Variants in RGS12 observed in about 807,000 individuals in gnomAD.
The protein encoded by RGS12 is regulator of G-protein signaling 12.
In RGS12, 66 loss-of-function variants were observed where a neutral mutation model predicts 120.1. That is an observed-to-expected ratio of 0.55 (90% CI 0.45 to 0.67). The LOEUF is 0.67. Among genes scored for constraint, RGS12 ranks in the 30% least tolerant of loss-of-function variants. The probability of loss-of-function intolerance (pLI) is 0.00; values close to 1 mark genes in which losing one functional copy is unlikely to be tolerated. For missense variants in RGS12, 1,859 were observed against 1,957.7 expected (o/e 0.95, Z 0.95); for synonymous variants, 827 against 804.7 (o/e 1.03, Z -0.47).
chr4:3,422,476 C>A lies in RGS12; in HGVS notation c.2939C>A (p.Ala980Glu). 1 of 1,613,092 alleles carries A rather than the reference C, an allele frequency of 6.2e-7. No homozygotes were observed. The change falls in exon 11 of 18, where the codon GCG becomes GAG. Residue 980 changes from alanine to glutamate, a missense_variant. Coordinates refer to ENST00000336727, the MANE Select transcript of RGS12 (RefSeq NM_001394154.1). ...ACATCCTGCGTGGTGGCTGTCAAGG[C>A]GGGCTTCTCCATCAAAGACATCCTG... ...DGTSCVVAVK[A>E]GFSIKDILSG...
chr4:3,286,826 G>A, the RGS12 span, among the ~76,000 whole-genome samples: 1 of 152,216 alleles, frequency 6.6e-6, no homozygotes, highest in East Asian at 1.9e-4. Context: ...GAGAGCCCCC[G>A]TCAGGCCCTT....
At chr4:3,409,972 C>T (rs1426557557) in intron 4 of RGS12, among the ~76,000 whole-genome samples, 1 of 152,248 alleles carries the variant, frequency 6.6e-6, no homozygotes, top group Admixed American at 6.5e-5. Context: ...CGTGCTGGCT[C>T]CCTGCTCTGC....
intron 2 of RGS12, chr4:3,342,726 C>T (rs868200393): frequency 2.9e-5 from 21 of 711,896 alleles, no homozygotes; most frequent in African/African-American, 9.0e-5. Context: ...AAATACTTGA[C>T]GATCCTGGGA....
intron 1 of RGS12, among the ~76,000 whole-genome samples, chr4:3,300,658 C>A (rs1263287327): frequency 6.6e-6 from 1 of 152,222 alleles, no homozygotes; most frequent in Non-Finnish European, 1.5e-5. Flanking sequence ...CTTCCTGCCT[C>A]TCCCAGCTTC....
intron 3 of RGS12, among the ~76,000 whole-genome samples, chr4:3,361,951 G>A (rs1249943541): frequency 2.0e-5 from 3 of 152,210 alleles, no homozygotes; most frequent in Non-Finnish European, 4.4e-5. Context: ...GGCTTGCAGG[G>A]AACAATGCCC....
chr4:3,354,775 G>A (rs572782995), intron 3 of RGS12, among the ~76,000 whole-genome samples: 57 of 152,302 alleles, frequency 3.7e-4, no homozygotes, highest in Middle Eastern at 3.4e-3. Context: ...ACAGCTTTCA[G>A]TGTATACATT....
chr4:3,332,649 C>T (rs1305809912), intron 2 of RGS12, among the ~76,000 whole-genome samples: 1 of 152,178 alleles, frequency 6.6e-6, no homozygotes, highest in Admixed American at 6.5e-5. Flanking sequence ...ACCTTTTGGT[C>T]CCTCTCTCCT....
chr4:3,295,375 C>G (rs962667777), intron 1 of RGS12, among the ~76,000 whole-genome samples: 3 of 152,114 alleles, frequency 2.0e-5, no homozygotes, highest in African/African-American at 7.2e-5. Flanking sequence ...AATAATCAGG[C>G]TGGGCTGGGT....
chr4:3,327,556 A>G (rs1725639268), intron 2 of RGS12, among the ~76,000 whole-genome samples: 1 of 152,244 alleles, frequency 6.6e-6, no homozygotes, highest in Non-Finnish European at 1.5e-5. Flanking sequence ...TCCAGAATAT[A>G]TGAGCACTCA....
In RGS12 at chr4:3,365,524, C is replaced by T. The variant is rs1158012678; in HGVS notation, c.1999-20892C>T. Among the ~76,000 whole-genome samples the T allele has an allele frequency of 6.6e-6, 1 of 152,104 alleles. No individual in the cohort carries two copies. The highest frequency in any genetic ancestry group is 1.5e-5 in the Non-Finnish European group (1 of 68,026). ...CAGAGCTGTAAATCCCAGCAAAAAC[C>T]GACGGAGCCCTGAGTCCGACCTAAG... On this transcript the variant is annotated intron_variant, in intron 3 of 17. Coordinates refer to ENST00000336727, the MANE Select transcript of RGS12 (RefSeq NM_001394154.1). The surrounding 1 kb of genome is among the most constrained non-coding windows in gnomAD (Gnocchi z 4.0).
At position 3,390,498 on chromosome 4, in the gene RGS12, A is replaced by G. The variant is rs577902699; in HGVS notation, c.2020+4061A>G. 1.3e-5 allele frequency among the ~76,000 whole-genome samples: 2 copies of G among 152,346 alleles called. No homozygotes were observed. The highest frequency in any genetic ancestry group is 1.9e-4 in the East Asian group (1 of 5,190). ...TCCTTTTAGTCGTGAAACCTTCTCA[A>G]AAAGCACACACAAGCACAGAAGCAG... On this transcript the variant is annotated intron_variant, in intron 4 of 17. Transcript: ENST00000336727. The surrounding 1 kb of genome is among the most constrained non-coding windows in gnomAD (Gnocchi z 4.6).
intron 1 of RGS12, among the ~76,000 whole-genome samples, chr4:3,296,424 A>G (rs1406840683): frequency 6.6e-6 from 1 of 151,670 alleles, no homozygotes; most frequent in African/African-American, 2.4e-5. Context: ...TCTTAGCCTC[A>G]AGTGATCCTC....
At chr4:3,301,569 TG>T (rs1723689182) in intron 1 of RGS12, among the ~76,000 whole-genome samples, 1 of 151,176 alleles carries the variant, frequency 6.6e-6, no homozygotes, top group African/African-American at 2.4e-5. Context: ...GGGCCAGGGA[TG>T]GAGAGTGAGG....
At chr4:3,398,674 C>T (rs537929393) in intron 4 of RGS12, among the ~76,000 whole-genome samples, 1 of 151,698 alleles carries the variant, frequency 6.6e-6, no homozygotes, top group South Asian at 2.1e-4. Context: ...ACGGTATCAA[C>T]ATGGGTAAGT....
At chr4:3,395,489 G>A (rs1283233588) in intron 4 of RGS12, among the ~76,000 whole-genome samples, 1 of 152,080 alleles carries the variant, frequency 6.6e-6, no homozygotes, top group East Asian at 1.9e-4. Flanking sequence ...ATAGGCTGGG[G>A]GTTTGTATAT....
intron 4 of RGS12, among the ~76,000 whole-genome samples, chr4:3,406,994 GAT>G (rs1721202597): frequency 6.6e-6 from 1 of 152,202 alleles, no homozygotes. Flanking sequence ...CTTATAAAAA[GAT>G]AGGTTTTATA....
the RGS12 span, among the ~76,000 whole-genome samples, chr4:3,286,156 G>A: frequency 6.6e-6 from 1 of 152,074 alleles, no homozygotes; most frequent in Non-Finnish European, 1.5e-5. Flanking sequence ...GTCACCAACT[G>A]TCTGTTTTGC....
rs570270141 is a variant in RGS12 at position 3,311,103 on chromosome 4, C to T, written c.-101-4967C>T. 2.2e-4 allele frequency among the ~76,000 whole-genome samples: 34 copies of T among 152,202 alleles called. 1 individual carries two copies. The highest frequency in any genetic ancestry group is 7.9e-4 in the African/African-American group (33 of 41,526). ...CAGCCCGTGGGGTCACCCTGGAGGC[C>T]GTGATTGCTGATGTTGTGCTGTTCT... On this transcript the variant is annotated intron_variant, in intron 1 of 17. Transcript: ENST00000336727.
chr4:3,348,537 G>A (rs370367556), intron 3 of RGS12, among the ~76,000 whole-genome samples: 2 of 152,138 alleles, frequency 1.3e-5, no homozygotes, highest in Non-Finnish European at 2.9e-5. Flanking sequence ...AGTGCGCACC[G>A]TATTATAGAG....
Sources: gnomAD v4.1 joint callset for allele counts (sites outside exome capture counted in the v4.1 genomes callset) on GRCh38, gnomAD v4.1.1 for gene constraint, Gnocchi (gnomAD v3.1) non-coding constraint, MANE v1.5 for transcripts, NCBI Gene and HGNC (gene_info 2026-07-23, HGNC 2026-07-21) for gene names.